The following VPS8 variants were observed in gnomAD, a reference collection of about 807,000 sequenced individuals.
VPS8 encodes the protein VPS8 subunit of CORVET complex, also known as vacuolar protein sorting-associated protein 8 homolog.
VPS8 carries 129 observed loss-of-function variants against 216.4 expected under a neutral mutation model. That is an observed-to-expected ratio of 0.60 (90% confidence interval 0.52 to 0.69). The LOEUF (loss-of-function observed/expected upper bound fraction) is 0.69. VPS8 is among the 30% of genes least tolerant of loss of function. The pLI is 0.00. For missense variants in VPS8, 1,531 were observed against 1,683.5 expected, an observed-to-expected ratio of 0.91 and a Z score of 1.59; for synonymous variants, 571 against 565.4, an observed-to-expected ratio of 1.01 and a Z score of -0.14.
chr3:184,880,655 G>A (rs935781784), intron 21 of VPS8, among the ~76,000 whole-genome samples: 6 of 152,320 alleles, frequency 3.9e-5, no homozygotes, highest in Non-Finnish European at 8.8e-5. Flanking sequence ...GTGTGAACAT[G>A]TCTTCTTTTC....
rs367846185 is a variant in VPS8 at position 185,048,458 on chromosome 3, G to A, written c.4057-21G>A. 2.5e-4 allele frequency: 400 copies of A among 1,613,174 alleles called. 1 individual carries two copies. The highest frequency in any genetic ancestry group is 2.5e-4 in the Non-Finnish European group (293 of 1,179,416). On this transcript the variant is annotated intron_variant, in intron 46 of 47. Transcript: ENST00000625842. ...GCCTAGCCACGTGATGTTGTTAATC[G>A]TATCGGTTTTTATTTTTCAGGGAAC...
chr3:184,825,259 A>G (rs914112804), intron 2 of VPS8, among the ~76,000 whole-genome samples: 6 of 151,680 alleles, frequency 4.0e-5, no homozygotes, highest in Admixed American at 3.3e-4. Flanking sequence ...GAGCTTTACA[A>G]CTCTCACAAC....
chr3:184,956,501 G>A (rs994032273), intron 36 of VPS8, among the ~76,000 whole-genome samples: 4 of 152,114 alleles, frequency 2.6e-5, no homozygotes, highest in East Asian at 1.9e-4. Context: ...CTTATTAACC[G>A]TATTCCAGTT....
At chr3:184,983,730 T>C (rs1750585428) in intron 42 of VPS8, among the ~76,000 whole-genome samples, 1 of 152,156 alleles carries the variant, frequency 6.6e-6, no homozygotes, top group Admixed American at 6.5e-5. Flanking sequence ...TTAGAATCCA[T>C]TTTGTCTATC....
chr3:185,018,546 C>A (rs901370862), intron 45 of VPS8, among the ~76,000 whole-genome samples: 20 of 152,276 alleles, frequency 1.3e-4, no homozygotes, highest in African/African-American at 4.6e-4. Context: ...TTTCATCTGC[C>A]CACCAAGTTT....
intron 39 of VPS8, among the ~76,000 whole-genome samples, chr3:184,969,576 T>A (rs564140860): frequency 3.3e-5 from 5 of 151,240 alleles, no homozygotes; most frequent in Admixed American, 2.6e-4. Context: ...ACTATAGGCA[T>A]GTGCCACCAC....
At chr3:184,915,171 A>C (rs968207361) in intron 27 of VPS8, 118 bp downstream of exon 27, 48 of 1,355,356 alleles carry the variant, frequency 3.5e-5, no homozygotes, top group Middle Eastern at 1.8e-4. Context: ...TGCAGGAGAG[A>C]GCTTACACAC....
At chr3:184,854,890 A>G (rs1357969425) in intron 13 of VPS8, among the ~76,000 whole-genome samples, 2 of 152,074 alleles carry the variant, frequency 1.3e-5, no homozygotes, top group African/African-American at 4.8e-5. Context: ...TCCAATGTAT[A>G]TATGAGGAGA....
At chr3:184,818,461 G>C (rs1339470579) in intron 1 of VPS8, among the ~76,000 whole-genome samples, 1 of 149,620 alleles carries the variant, frequency 6.7e-6, no homozygotes, top group Non-Finnish European at 1.5e-5. Context: ...GGCAGAGGTT[G>C]TAATGAGCCG....
At chr3:184,869,577 T>G (rs559093910) in intron 20 of VPS8, 49 bp downstream of exon 20, 2 of 1,591,636 alleles carry the variant, frequency 1.3e-6, no homozygotes, top group South Asian at 1.1e-5. Context: ...AGATTTGCTT[T>G]TGTCATTTGC....
At chr3:184,910,100 C>CT (rs1440337645) in intron 25 of VPS8, among the ~76,000 whole-genome samples, 1 of 135,586 alleles carries the variant, frequency 7.4e-6, no homozygotes, top group African/African-American at 2.8e-5. Flanking sequence ...GATCCTTCCT[C>CT]TTTCTCTTTT....
chr3:184,888,785 G>A (rs572772557), intron 22 of VPS8, among the ~76,000 whole-genome samples: 3 of 152,112 alleles, frequency 2.0e-5, no homozygotes, highest in South Asian at 4.2e-4. Context: ...AGAGTAAAAC[G>A]GCTTATTTTT....
Position 184,971,715 on chromosome 3 carries a change from A to G in VPS8, c.3383A>G (p.Gln1128Arg), listed in dbSNP as rs556078456. The G allele has an allele frequency of 6.8e-6, 11 of 1,613,518 alleles. No homozygotes were observed. The highest frequency in any genetic ancestry group is 5.0e-5 in the Admixed American group (3 of 60,012). Residue 1128 changes from glutamine (Q) to arginine (R), a missense_variant, in exon 40 of 48, where the codon CAG becomes CGG. Gln to Arg is a conservative substitution (Grantham distance 43, BLOSUM62 1). Coordinates refer to ENST00000625842, the MANE Select transcript of VPS8 (RefSeq NM_001009921.3). ...DTMVETIALC[Q>R]RNSHNLNQQQ... ...ATGGTGGAGACCATTGCTCTTTGCCAGAGAAATTCACATAATTTGAACCAG... is the reference window on the plus strand; with the variant it reads ...ATGGTGGAGACCATTGCTCTTTGCCGGAGAAATTCACATAATTTGAACCAG...
intron 1 of VPS8, among the ~76,000 whole-genome samples, chr3:184,816,420 A>G (rs1023495997): frequency 1.3e-5 from 2 of 152,168 alleles, no homozygotes; most frequent in Admixed American, 6.5e-5. Flanking sequence ...TTTAATCTGT[A>G]TGTACTTATG....
chr3:184,869,107 C>G (rs954639624), intron 19 of VPS8, 71 bp downstream of exon 19: 1 of 1,335,580 alleles, frequency 7.5e-7, no homozygotes. Flanking sequence ...GTACTAACCA[C>G]TCATAGGACA....
chr3:184,882,794 G>GT (rs1730500103), intron 21 of VPS8, among the ~76,000 whole-genome samples: 1 of 152,038 alleles, frequency 6.6e-6, no homozygotes, highest in Non-Finnish European at 1.5e-5. Context: ...TGATAGTTGT[G>GT]TTTTTTGAGA....
intron 37 of VPS8, among the ~76,000 whole-genome samples, chr3:184,958,346 A>G (rs1233644536): frequency 2.0e-5 from 3 of 152,222 alleles, no homozygotes; most frequent in Admixed American, 1.3e-4. Flanking sequence ...ACAAAGGTAT[A>G]GGCACATAGG....
intron 45 of VPS8, among the ~76,000 whole-genome samples, chr3:185,014,017 T>G (rs1049389013): frequency 6.6e-6 from 1 of 152,218 alleles, no homozygotes; most frequent in East Asian, 1.9e-4. Context: ...CTTATAGGAA[T>G]AGCTTTATTA....
chr3:184,842,365 T>C (rs1209343356), intron 7 of VPS8, among the ~76,000 whole-genome samples: 1 of 151,572 alleles, frequency 6.6e-6, no homozygotes, highest in Non-Finnish European at 1.5e-5. Context: ...GTTTTTTTTT[T>C]TTTTAGACCC....
Sources: allele counts gnomAD v4.1 joint callset (sites outside exome capture counted in the v4.1 genomes callset), GRCh38; gene constraint gnomAD v4.1.1; transcripts MANE v1.5; gene names NCBI Gene and HGNC (gene_info 2026-07-23, HGNC 2026-07-21).